Variants in GSK3B observed in about 807,000 individuals in gnomAD.
GSK3B encodes glycogen synthase kinase-3 beta.
In GSK3B, 15 loss-of-function variants were observed where a neutral mutation model predicts 56.4. The ratio of observed to expected loss-of-function variants is 0.27; its 90% CI spans 0.18 to 0.41. The LOEUF (loss-of-function observed/expected upper bound fraction) is 0.41. Ranked by LOEUF, GSK3B falls within the 10% of genes least tolerant of loss-of-function variation. GSK3B has a pLI of 1.00. For missense variants in GSK3B, 300 were observed against 513.4 expected (o/e 0.58, Z 4.02); for synonymous variants, 181 against 188.9 (o/e 0.96, Z 0.34).
At chr3:120,089,424 G>C (rs1480939900) in intron 1 of GSK3B, among the ~76,000 whole-genome samples, 4 of 152,106 alleles carry the variant, frequency 2.6e-5, no homozygotes, top group Admixed American at 2.6e-4. Flanking sequence ...ATCAAGAAAT[G>C]GACTAAACTC....
chr3:119,843,400 T>C lies in GSK3B; in HGVS notation c.1097-47A>G, dbSNP rs780534231. ...ATGTTAGAGTCCACTCTTAACTTTG[T>C]ATGCAAAACTATTTTATTGGTAAGA... On this transcript the variant is annotated intron_variant, in intron 9 of 10. Coordinates refer to ENST00000264235, the MANE Select transcript of GSK3B (RefSeq NM_001146156.2). 7 of 1,005,524 alleles carry C rather than the reference T, an allele frequency of 7.0e-6. No individual in the cohort carries two copies. The Admixed American group carries it at 1.3e-4, about 18-fold the overall frequency. The allele number at this position is 1,005,524 out of a possible 1,614,324, so 62.3% of individuals were successfully genotyped here.
At chr3:119,967,368 G>C (rs532937021) in intron 2 of GSK3B, among the ~76,000 whole-genome samples, 2 of 152,024 alleles carry the variant, frequency 1.3e-5, no homozygotes, top group African/African-American at 4.8e-5. Flanking sequence ...GAGCCACTGC[G>C]CCTGGCCAGC....
At chr3:119,836,688 G>A (rs1460452547) in intron 10 of GSK3B, among the ~76,000 whole-genome samples, 5 of 151,958 alleles carry the variant, frequency 3.3e-5, no homozygotes, top group African/African-American at 9.7e-5. Context: ...TCCTATAAAT[G>A]GGCATTTTAA....
chr3:119,822,495 A>C lies in GSK3B; in HGVS notation c.*4293T>G, dbSNP rs1344123848. ...ACTTTGTCAAGCTAACCCCTTATGT[A>C]CTGGTTGTCATTTTGCTTTTATTGC... On this transcript the variant is annotated 3_prime_UTR_variant, in exon 11 of 11. Coordinates refer to ENST00000264235, the MANE Select transcript of GSK3B (RefSeq NM_001146156.2). 2 of 225,868 alleles carry C rather than the reference A, an allele frequency of 8.9e-6. No homozygotes were observed. Among genetic ancestry groups the C allele is most frequent in the African/African-American group, 4.5e-5 (2 of 44,924 alleles). 14.0% of individuals were successfully genotyped at this position (225,868 alleles called of 1,614,324 possible).
intron 9 of GSK3B, chr3:119,843,720 C>A (rs1244492260): frequency 6.4e-6 from 1 of 156,832 alleles, no homozygotes; most frequent in African/African-American, 2.4e-5. Context: ...CACACAATAA[C>A]AGTGGGAGAC....
rs753000462 is a variant in GSK3B at position 119,824,957 on chromosome 3, C to T, written c.*1831G>A. 7 of 181,780 alleles carry T rather than the reference C, an allele frequency of 3.9e-5. No individual in the cohort carries two copies. The highest frequency in any genetic ancestry group is 2.5e-4 in the Admixed American group (4 of 15,944). The allele number at this position is 181,780 out of a possible 1,614,324, so 11.3% of individuals were successfully genotyped here. ...GAGGGCTGCCAACAGACTCCACTTC[C>T]GAACCCTCTGGAGGACGAGACCCAT... On this transcript the variant is annotated 3_prime_UTR_variant, in exon 11 of 11. Coordinates refer to ENST00000264235, the MANE Select transcript of GSK3B (RefSeq NM_001146156.2).
intron 1 of GSK3B, among the ~76,000 whole-genome samples, chr3:120,077,070 G>A (rs1376669501): frequency 6.6e-6 from 1 of 152,106 alleles, no homozygotes; most frequent in Non-Finnish European, 1.5e-5. Context: ...TACACTGTTG[G>A]TGAGAATGCA....
At chr3:119,831,347 A>G (rs1332102903) in intron 10 of GSK3B, among the ~76,000 whole-genome samples, 1 of 152,160 alleles carries the variant, frequency 6.6e-6, no homozygotes, top group Non-Finnish European at 1.5e-5. Context: ...TATTATCTGT[A>G]AGAGACTTTA....
intron 1 of GSK3B, among the ~76,000 whole-genome samples, chr3:120,068,162 G>A (rs547636084): frequency 1.6e-4 from 25 of 152,194 alleles, no homozygotes; most frequent in African/African-American, 5.5e-4. Flanking sequence ...GGAGGCGGAG[G>A]TGGGTGGATC....
chr3:120,087,023 A>G (rs1170806942), intron 1 of GSK3B, among the ~76,000 whole-genome samples: 2 of 152,186 alleles, frequency 1.3e-5, no homozygotes, highest in Non-Finnish European at 2.9e-5. Flanking sequence ...ATGAATTACA[A>G]CTATATGTTA....
intron 2 of GSK3B, among the ~76,000 whole-genome samples, chr3:119,978,610 G>A (rs2057431022): frequency 6.6e-6 from 1 of 152,150 alleles, no homozygotes; most frequent in African/African-American, 2.4e-5. Flanking sequence ...CCTGGATCCT[G>A]AGGGTCTCTG....
At chr3:119,842,134 T>G (rs2055780610) in intron 10 of GSK3B, among the ~76,000 whole-genome samples, 1 of 152,198 alleles carries the variant, frequency 6.6e-6, no homozygotes, top group African/African-American at 2.4e-5. Context: ...CTACCTATTA[T>G]GTTTCTAACT....
intron 9 of GSK3B, among the ~76,000 whole-genome samples, chr3:119,861,578 C>A (rs564628234): frequency 6.6e-6 from 1 of 151,952 alleles, no homozygotes; most frequent in South Asian, 2.1e-4. Flanking sequence ...CAAAAAAACC[C>A]CACCTCTTCC....
intron 2 of GSK3B, among the ~76,000 whole-genome samples, chr3:119,977,671 A>G (rs1186219836): frequency 6.6e-6 from 1 of 152,214 alleles, no homozygotes; most frequent in African/African-American, 2.4e-5. Context: ...CGGTTTTATC[A>G]GCAAATAGAT....
intron 2 of GSK3B, among the ~76,000 whole-genome samples, chr3:119,997,816 T>G (rs2057637918): frequency 6.6e-6 from 1 of 152,190 alleles, no homozygotes; most frequent in African/African-American, 2.4e-5. Flanking sequence ...ATACATGGTT[T>G]TTAAAATGGC....
At chr3:120,031,802 G>A (rs1056184387) in intron 1 of GSK3B, among the ~76,000 whole-genome samples, 2 of 152,234 alleles carry the variant, frequency 1.3e-5, no homozygotes, top group African/African-American at 4.8e-5. Flanking sequence ...GAGGAGATAA[G>A]ACATATCTGC....
chr3:119,995,037 AAAT>A (rs1281661564), intron 2 of GSK3B, among the ~76,000 whole-genome samples: 19 of 151,326 alleles, frequency 1.3e-4, no homozygotes, highest in Non-Finnish European at 5.9e-5. Flanking sequence ...ACATTTCAGG[AAAT>A]AATATGTGTA....
At chr3:119,852,357 T>G (rs1038681584) in intron 9 of GSK3B, among the ~76,000 whole-genome samples, 1 of 152,112 alleles carries the variant, frequency 6.6e-6, no homozygotes. Flanking sequence ...ACTCTATTTT[T>G]TTTTTTTTAA....
chr3:119,944,168 C>G (rs1225258384), intron 3 of GSK3B, among the ~76,000 whole-genome samples: 1 of 152,116 alleles, frequency 6.6e-6, no homozygotes, highest in African/African-American at 2.4e-5. Flanking sequence ...TCACAATGTC[C>G]TCAACTAATC....
Sources: gnomAD v4.1 joint callset for allele counts (sites outside exome capture counted in the v4.1 genomes callset) on GRCh38, gnomAD v4.1.1 for gene constraint, MANE v1.5 for transcripts, NCBI Gene and HGNC (gene_info 2026-07-23, HGNC 2026-07-21) for gene names.